Variants in PDE4A observed in about 807,000 individuals in gnomAD.
PDE4A encodes 3',5'-cyclic-AMP phosphodiesterase 4A.
Under a neutral mutation model 73.9 loss-of-function variants are expected in PDE4A, and 21 were observed. The observed-to-expected ratio is 0.28, with a 90% CI of 0.20 to 0.41. PDE4A has a LOEUF of 0.41. Among genes scored for constraint, PDE4A ranks in the 10% least tolerant of loss-of-function variants. The probability of loss-of-function intolerance (pLI) is 1.00; values close to 1 mark genes in which losing one functional copy is unlikely to be tolerated. For synonymous variants in PDE4A, 463 were observed against 505.4 expected, an observed-to-expected ratio of 0.92 and a Z score of 1.13; for missense variants, 958 against 1,211.4, an observed-to-expected ratio of 0.79 and a Z score of 3.10.
intron 10 of PDE4A, 144 bp downstream of exon 10, chr19:10,459,903 C>T (rs1203272708): frequency 9.6e-6 from 10 of 1,038,552 alleles, no homozygotes; most frequent in Admixed American, 3.0e-5. Context: ...CTTTTTGAGA[C>T]GGAGTCTTGC....
At chr19:10,440,675 T>C (rs1289000956) in intron 1 of PDE4A, among the ~76,000 whole-genome samples, 1 of 152,218 alleles carries the variant, frequency 6.6e-6, no homozygotes, top group East Asian at 1.9e-4. Context: ...CTCAGCTCAC[T>C]GCAACCTCCA....
upstream of PDE4A, chr19:10,420,510 C>CCGCGGAA (rs1362289171): frequency 1.9e-6 from 2 of 1,040,334 alleles, no homozygotes; most frequent in Non-Finnish European, 2.4e-6. The surrounding 1 kb of genome is among the most constrained non-coding windows in gnomAD (Gnocchi z 6.0). Flanking sequence ...GCCGAGCGGG[C>CCGCGGAA]CGCGGAACGC....
At chr19:10,466,052 G>A (rs934861210) in intron 14 of PDE4A, among the ~76,000 whole-genome samples, 3 of 150,324 alleles carry the variant, frequency 2.0e-5, no homozygotes, top group Non-Finnish European at 4.4e-5. Flanking sequence ...GCCTAGGCTG[G>A]AGTGCAATGG....
chr19:10,452,416 G>A (rs972184804), intron 6 of PDE4A, among the ~76,000 whole-genome samples: 2 of 150,858 alleles, frequency 1.3e-5, no homozygotes, highest in Admixed American at 6.6e-5. Context: ...CAGCCTGGGC[G>A]ACAAGAGTGA....
intron 1 of PDE4A, among the ~76,000 whole-genome samples, chr19:10,432,177 G>GT (rs1491502557): frequency 9.8e-5 from 6 of 61,460 alleles, no homozygotes; most frequent in African/African-American, 1.5e-4. Flanking sequence ...GGGAGGAGAC[G>GT]GGGGGGGGGG....
intron 14 of PDE4A, among the ~76,000 whole-genome samples, chr19:10,465,545 A>G (rs1178673693): frequency 6.6e-5 from 10 of 151,822 alleles, no homozygotes; most frequent in Non-Finnish European, 1.2e-4. Flanking sequence ...GTAAAGACCA[A>G]AAATGCCTCC....
chr19:10,422,050 G>A (rs1334960190), intron 1 of PDE4A, among the ~76,000 whole-genome samples: 1 of 152,152 alleles, frequency 6.6e-6, no homozygotes. Context: ...GACTGTGTGT[G>A]CTCCAAGAAT....
In PDE4A at chr19:10,460,986, C is replaced by A. The variant is rs752075895; in HGVS notation, c.1366-18C>A. ...GGCTTCAACTCTGTTATTCTAACAT[C>A]CGTGTCTCTGCTCCCAGGCAGTGTT... is the stretch of plus-strand genomic sequence containing the variant. On this transcript the variant is annotated intron_variant, in intron 10 of 14. Coordinates refer to ENST00000380702, the MANE Select transcript of PDE4A (RefSeq NM_001111307.2). The A allele has an allele frequency of 1.2e-6, 2 of 1,606,846 alleles. No individual in the cohort carries two copies. Among genetic ancestry groups the A allele is most frequent in the Non-Finnish European group, 1.7e-6 (2 of 1,174,608 alleles).
rs372603475 is a variant in PDE4A at position 10,454,936 on chromosome 19, A to G, written c.877+14A>G. On this transcript the variant is annotated intron_variant, in intron 7 of 14. Coordinates refer to ENST00000380702, the MANE Select transcript of PDE4A (RefSeq NM_001111307.2). The stretch of plus-strand genomic sequence containing the variant: ...CAACATTCCTGGGTGAGTGAGGGGA[A>G]GCACGTGGGATTGGAGGGGGGACAT... 11 of 1,613,216 alleles carry G rather than the reference A, an allele frequency of 6.8e-6. No individual in the cohort carries two copies. The African/African-American group carries it at 1.5e-4, about 22-fold the overall frequency.
chr19:10,430,700 G>T, intron 1 of PDE4A: 1 of 185,212 alleles, frequency 5.4e-6, no homozygotes, highest in Non-Finnish European at 1.0e-5. Context: ...CCCTGGGGGC[G>T]GCTCCAGCGC....
At chr19:10,466,837 T>TA (rs778973716) in intron 14 of PDE4A, 50 bp from the exon 15 acceptor site, 1 of 1,572,718 alleles carries the variant, frequency 6.4e-7, no homozygotes, top group Non-Finnish European at 8.6e-7. Context: ...AATGTGGTGG[T>TA]ATCATCCACC....
At chr19:10,449,623 G>A (rs921407122) in intron 4 of PDE4A, among the ~76,000 whole-genome samples, 2 of 152,058 alleles carry the variant, frequency 1.3e-5, no homozygotes, top group Non-Finnish European at 2.9e-5. Context: ...GCCTCCCAAA[G>A]TGCTAGGATT....
In PDE4A at chr19:10,426,012, A is replaced by AAAAAG. The variant is rs58606489; in HGVS notation, c.320+4929_320+4930insAAAGA. ...AAAAAAAAAAAAAAAAAAAAAAAAAAAGGAAGGAGGGAAGGAAGGAAAGAA... is the reference window on the plus strand; with the variant it reads ...AAAAAAAAAAAAAAAAAAAAAAAAAAAAAAGAGGAAGGAGGGAAGGAAGGAAAGAA... On this transcript the variant is annotated intron_variant, in intron 1 of 14. Coordinates refer to ENST00000380702, the MANE Select transcript of PDE4A (RefSeq NM_001111307.2). Among the ~76,000 whole-genome samples, 67 of 140,652 alleles carry AAAAAG rather than the reference A, an allele frequency of 4.8e-4. 5 individuals carry two copies. Among genetic ancestry groups the AAAAAG allele is most frequent in the African/African-American group, 1.7e-3 (59 of 35,444 alleles). The allele number at this position is 140,652 out of a possible 152,430, so 92.3% of individuals were successfully genotyped here.
upstream of PDE4A, chr19:10,417,484 C>T: frequency 1.0e-6 from 1 of 980,390 alleles, no homozygotes; most frequent in Non-Finnish European, 1.2e-6. Flanking sequence ...ACTCTCAGAC[C>T]TAAGGGATGG....
chr19:10,465,981 G>A lies in PDE4A; in HGVS notation c.1927-906G>A, dbSNP rs1273967960. Among the ~76,000 whole-genome samples, 5 of 145,394 alleles carry A rather than the reference G, an allele frequency of 3.4e-5. No individual in the cohort carries two copies. In the East Asian group the frequency reaches 1.0e-3, roughly 30 times the overall value. ...CTCCCAAAGTGCTGGGATTACAGGCGTGAGCCACTGCATCCGGCCTACTTT... is the reference window on the plus strand; with the variant it reads ...CTCCCAAAGTGCTGGGATTACAGGCATGAGCCACTGCATCCGGCCTACTTT... On this transcript the variant is annotated intron_variant, in intron 14 of 14. Transcript: ENST00000380702.
At position 10,420,762 on chromosome 19, in the gene PDE4A, G is replaced by C; in HGVS notation, c.-3G>C. On this transcript the variant is annotated 5_prime_UTR_variant, in exon 1 of 15. Coordinates refer to ENST00000380702, the MANE Select transcript of PDE4A (RefSeq NM_001111307.2). This position sits in a 1 kb window ranked among gnomAD's most constrained non-coding sequence, Gnocchi z 6.0. ...CCCTGGGGCGCAAGTGGGGGCCGGC[G>C]CCATGGAACCCCCGACCGTCCCCTC... 1 of 1,557,582 alleles carries C rather than the reference G, an allele frequency of 6.4e-7. No homozygotes were observed. The highest frequency in any genetic ancestry group is 8.6e-7 in the Non-Finnish European group (1 of 1,163,474).
chr19:10,438,216 G>A (rs1169276565), intron 1 of PDE4A, among the ~76,000 whole-genome samples: 3 of 151,672 alleles, frequency 2.0e-5, no homozygotes, highest in African/African-American at 4.8e-5. Flanking sequence ...GGGTTCAAGC[G>A]ATTCTCGTGC....
intron 11 of PDE4A, 123 bp downstream of exon 11, chr19:10,461,226 GAAAGGGGA>G: frequency 3.1e-6 from 3 of 975,542 alleles, no homozygotes; most frequent in Non-Finnish European, 3.9e-6. Context: ...GGCTGGCCTG[GAAAGGGGA>G]TGGCCGGGCA....
In PDE4A at chr19:10,467,141, G is replaced by A. The variant is rs202006150; in HGVS notation, c.2181G>A (p.Pro727=). 64 of 1,614,060 alleles carry A rather than the reference G, an allele frequency of 4.0e-5. No homozygotes were observed. Among genetic ancestry groups the A allele is most frequent in the Middle Eastern group, 1.6e-4 (1 of 6,084 alleles). ...EEEEISMAQI[P]CTAQEALTAQ... ...AAGAAATATCAATGGCCCAGATACC[G>A]TGCACAGCCCAAGAGGCATTGACTG... Residue 727 remains proline (P), a synonymous_variant, in exon 15 of 15, where the codon CCG becomes CCA. Transcript: ENST00000380702.
Sources: gnomAD v4.1 joint callset for allele counts (sites outside exome capture counted in the v4.1 genomes callset) on GRCh38, gnomAD v4.1.1 for gene constraint, Gnocchi (gnomAD v3.1) non-coding constraint, MANE v1.5 for transcripts, NCBI Gene and HGNC (gene_info 2026-07-23, HGNC 2026-07-21) for gene names.